Variants in ST6GALNAC5 observed in about 807,000 individuals in gnomAD.
ST6GALNAC5 encodes ST6 N-acetylgalactosaminide alpha-2,6-sialyltransferase 5.
Under a neutral mutation model 33.6 loss-of-function variants are expected in ST6GALNAC5, and 27 were observed. The ratio of observed to expected loss-of-function variants is 0.80; its 90% confidence interval spans 0.59 to 1.11. ST6GALNAC5 has a LOEUF of 1.11. Among genes scored for constraint, ST6GALNAC5 ranks in the 50% least tolerant of loss-of-function variants. The pLI is 0.00. For synonymous variants in ST6GALNAC5, 194 were observed against 171.2 expected (o/e 1.13, Z -1.04); for missense variants, 428 against 454.0 (o/e 0.94, Z 0.52).
chr1:76,900,263 G>T (rs866735130), intron 2 of ST6GALNAC5, among the ~76,000 whole-genome samples: 1 of 152,188 alleles, frequency 6.6e-6, no homozygotes, highest in Middle Eastern at 3.4e-3. Context: ...GTTAAGGCAG[G>T]AACAGGCCAT....
intron 2 of ST6GALNAC5, among the ~76,000 whole-genome samples, chr1:76,910,604 T>C (rs1203039281): frequency 6.6e-6 from 1 of 152,086 alleles, no homozygotes; most frequent in Non-Finnish European, 1.5e-5. Context: ...ATATTAACTT[T>C]AAACTATAAA....
intron 2 of ST6GALNAC5, among the ~76,000 whole-genome samples, chr1:76,968,599 G>A (rs963557291): frequency 4.6e-5 from 7 of 152,128 alleles, no homozygotes; most frequent in Admixed American, 3.9e-4. Context: ...TAGTATTGTT[G>A]TGTGTTAATG....
At chr1:76,946,386 T>C (rs1315600813) in intron 2 of ST6GALNAC5, among the ~76,000 whole-genome samples, 2 of 152,082 alleles carry the variant, frequency 1.3e-5, no homozygotes, top group Non-Finnish European at 2.9e-5. Context: ...AAGTAGAAAA[T>C]AGAGTTATGG....
At chr1:76,871,292 C>T (rs539509800) in intron 2 of ST6GALNAC5, 8 of 152,220 alleles carry the variant, frequency 5.3e-5, no homozygotes, top group African/African-American at 1.7e-4. Flanking sequence ...ATGGAATATG[C>T]TGGATGTGAT....
intron 2 of ST6GALNAC5, among the ~76,000 whole-genome samples, chr1:76,927,282 A>G (rs1647095301): frequency 6.6e-6 from 1 of 152,034 alleles, no homozygotes; most frequent in African/African-American, 2.4e-5. Flanking sequence ...GAATATATAA[A>G]ATATATTTTA....
rs190176148 is a variant in ST6GALNAC5 at position 76,887,777 on chromosome 1, G to C, written c.261+19035G>C. Among the ~76,000 whole-genome samples the C allele has an allele frequency of 3.2e-3, 491 of 152,252 alleles. 1 individual carries two copies. The highest frequency in any genetic ancestry group is 0.014 in the Middle Eastern group (4 of 294). ...TGAAAATTTTTTATGATGAATGCTT[G>C]ACAGAGATTTACCCACTTTCATTAT... On this transcript the variant is annotated intron_variant, in intron 2 of 4. Transcript: ENST00000477717.
chr1:77,050,275 G>A lies in ST6GALNAC5; in HGVS notation c.689G>A (p.Trp230Ter). The change falls in exon 4 of 5, where the codon TGG becomes TAG. Residue 230 changes from tryptophan to a stop codon, truncating the protein, a stop_gained. Coordinates refer to ENST00000477717, the MANE Select transcript of ST6GALNAC5 (RefSeq NM_030965.3). LOFTEE classifies it high-confidence loss of function. ...TGKDRKISNT[W>*]LSTGWFTMTI... Reference sequence around the variant, plus strand: ...CCTTCCAGGAAGATATCCAACACTTGGCTCAGCACTGGCTGGTTTACAATG... The same window carrying A: ...CCTTCCAGGAAGATATCCAACACTTAGCTCAGCACTGGCTGGTTTACAATG... 3 of 1,613,940 alleles carry A rather than the reference G, an allele frequency of 1.9e-6. No individual in the cohort carries two copies. Among genetic ancestry groups the A allele is most frequent in the Non-Finnish European group, 2.5e-6 (3 of 1,179,840 alleles).
intron 2 of ST6GALNAC5, among the ~76,000 whole-genome samples, chr1:77,009,079 T>C (rs917609322): frequency 5.9e-5 from 9 of 152,268 alleles, no homozygotes; most frequent in Non-Finnish European, 1.2e-4. Flanking sequence ...CACTGAACCA[T>C]AGAAGCAGCC....
At chr1:76,991,109 T>C (rs958259587) in intron 2 of ST6GALNAC5, among the ~76,000 whole-genome samples, 2 of 152,004 alleles carry the variant, frequency 1.3e-5, no homozygotes, top group Admixed American at 6.6e-5. Context: ...GCAAATGGAG[T>C]TACTTGATTA....
intron 2 of ST6GALNAC5, among the ~76,000 whole-genome samples, chr1:76,930,261 TTA>T (rs1252509353): frequency 6.6e-6 from 1 of 152,156 alleles, no homozygotes; most frequent in Non-Finnish European, 1.5e-5. Context: ...TGAGGATAGT[TTA>T]TATGTCTAAA....
intron 2 of ST6GALNAC5, among the ~76,000 whole-genome samples, chr1:76,899,987 C>G (rs571044211): frequency 1.1e-4 from 16 of 152,320 alleles, no homozygotes; most frequent in Non-Finnish European, 2.4e-4. Flanking sequence ...TCACTCGTGT[C>G]TGTGTGAAGA....
chr1:77,038,066 A>G (rs1651711471), intron 2 of ST6GALNAC5, among the ~76,000 whole-genome samples: 1 of 152,210 alleles, frequency 6.6e-6, no homozygotes, highest in Admixed American at 6.5e-5. Context: ...TAATGAGTAG[A>G]AGAAGCAGAG....
At chr1:77,061,088 A>T (rs1354789504) in intron 4 of ST6GALNAC5, among the ~76,000 whole-genome samples, 1 of 152,204 alleles carries the variant, frequency 6.6e-6, no homozygotes, top group Non-Finnish European at 1.5e-5. Context: ...TTTTAATGGG[A>T]TTCCAATTTC....
chr1:76,990,888 T>C (rs1370630914), intron 2 of ST6GALNAC5, among the ~76,000 whole-genome samples: 2 of 152,168 alleles, frequency 1.3e-5, no homozygotes, highest in Non-Finnish European at 2.9e-5. Flanking sequence ...AGAGAGCCTT[T>C]ACCATTTCTT....
Position 76,868,601 on chromosome 1 carries a change from GCAGCAGCAGCAGCAA to G in ST6GALNAC5, c.133_147del (p.Gln45_Gln49del), listed in dbSNP as rs761815849. The stretch of plus-strand genomic sequence containing the variant: ...AGAAGGAGCGGCCCCCGCAGCAGCA[GCAGCAGCAGCAGCAA>G]CAGCAGCAGCAGGCGTCGGCCACCG... On this transcript the variant is annotated inframe_deletion, in exon 2 of 5. Transcript: ENST00000477717. The surrounding 1 kb of genome is among the most constrained non-coding windows in gnomAD (Gnocchi z 4.3). The G allele has an allele frequency of 1.9e-6, 3 of 1,610,324 alleles. No individual in the cohort carries two copies. Among genetic ancestry groups the G allele is most frequent in the African/African-American group, 1.4e-5 (1 of 73,834 alleles).
chr1:76,943,347 A>G (rs1647401720), intron 2 of ST6GALNAC5, among the ~76,000 whole-genome samples: 1 of 152,146 alleles, frequency 6.6e-6, no homozygotes, highest in African/African-American at 2.4e-5. Context: ...ACAGAATCAG[A>G]TCAACATGCA....
intron 3 of ST6GALNAC5, among the ~76,000 whole-genome samples, chr1:77,045,423 T>C (rs1039247592): frequency 6.6e-6 from 1 of 152,230 alleles, no homozygotes; most frequent in African/African-American, 2.4e-5. Context: ...GAAAATGTTC[T>C]GAAATTAGTG....
chr1:76,962,159 C>T (rs1174429068), intron 2 of ST6GALNAC5, among the ~76,000 whole-genome samples: 2 of 152,038 alleles, frequency 1.3e-5, no homozygotes, highest in Non-Finnish European at 2.9e-5. Context: ...ATATACATAG[C>T]TGAGAGACAG....
chr1:77,048,976 A>T (rs190242846), intron 3 of ST6GALNAC5, among the ~76,000 whole-genome samples: 2 of 152,118 alleles, frequency 1.3e-5, no homozygotes, highest in African/African-American at 4.8e-5. Context: ...GCTTTTAAAT[A>T]TGCTTTCTGG....
Sources: allele counts gnomAD v4.1 joint callset (sites outside exome capture counted in the v4.1 genomes callset), GRCh38; gene constraint gnomAD v4.1.1; non-coding constraint Gnocchi (gnomAD v3.1); transcripts MANE v1.5; gene names NCBI Gene and HGNC (gene_info 2026-07-23, HGNC 2026-07-21).